The following ATRNL1 variants were observed in gnomAD, a reference collection of about 807,000 sequenced individuals.
ATRNL1 encodes attractin-like protein 1.
In ATRNL1, 95 loss-of-function variants were observed where a neutral mutation model predicts 182.7. The observed-to-expected ratio is 0.52, with a 90% CI of 0.44 to 0.62. ATRNL1 has a LOEUF of 0.62. ATRNL1 is among the 20% of genes least tolerant of loss of function. The pLI is 0.00. For missense variants in ATRNL1, 1,471 were observed against 1,679.5 expected (o/e 0.88, Z 2.17); for synonymous variants, 576 against 568.3 (o/e 1.01, Z -0.19).
chr10:115,826,669 G>A (rs1950441407), intron 27 of ATRNL1, among the ~76,000 whole-genome samples: 1 of 152,148 alleles, frequency 6.6e-6, no homozygotes, highest in Admixed American at 6.5e-5. Context: ...ATTTTATTGA[G>A]CAAAAGAAAA....
chr10:115,327,571 C>T (rs1433768993), intron 18 of ATRNL1, among the ~76,000 whole-genome samples: 5 of 146,912 alleles, frequency 3.4e-5, no homozygotes, highest in African/African-American at 2.5e-5. Flanking sequence ...TTTGACCCAG[C>T]CATCCCATTA....
chr10:115,357,370 AC>A (rs1483460315), intron 19 of ATRNL1, among the ~76,000 whole-genome samples: 1 of 151,702 alleles, frequency 6.6e-6, no homozygotes, highest in African/African-American at 2.4e-5. Flanking sequence ...AAAAGGCAAA[AC>A]CAAACTAAAT....
At chr10:115,280,710 T>C (rs1349377518) in intron 13 of ATRNL1, among the ~76,000 whole-genome samples, 1 of 152,188 alleles carries the variant, frequency 6.6e-6, no homozygotes, top group African/African-American at 2.4e-5. Flanking sequence ...AGACCCAGTC[T>C]CCGGGGTGTA....
intron 17 of ATRNL1, among the ~76,000 whole-genome samples, chr10:115,306,244 A>C (rs113143068): frequency 1.6e-4 from 24 of 152,216 alleles, no homozygotes; most frequent in African/African-American, 5.5e-4. Flanking sequence ...TAAACTTTTG[A>C]GTCTTTGCAT....
intron 8 of ATRNL1, 90 bp downstream of exon 8, chr10:115,171,382 A>G (rs1465330932): frequency 2.6e-6 from 3 of 1,175,216 alleles, no homozygotes; most frequent in Non-Finnish European, 3.5e-6. Flanking sequence ...CAAAATGGTG[A>G]GTTATTTGAG....
At chr10:115,578,644 G>T (rs1854876096) in intron 26 of ATRNL1, among the ~76,000 whole-genome samples, 1 of 150,782 alleles carries the variant, frequency 6.6e-6, no homozygotes, top group South Asian at 2.1e-4. Flanking sequence ...TCTTCTTCTA[G>T]CTAAGGGTTT....
chr10:115,393,395 C>G (rs1554954797), intron 19 of ATRNL1, among the ~76,000 whole-genome samples: 1 of 152,050 alleles, frequency 6.6e-6, no homozygotes, highest in Non-Finnish European at 1.5e-5. Context: ...GTTAGAGTTA[C>G]TATTGATACT....
intron 26 of ATRNL1, among the ~76,000 whole-genome samples, chr10:115,622,661 T>G (rs1857841143): frequency 7.5e-6 from 1 of 134,048 alleles, no homozygotes; most frequent in Non-Finnish European, 1.6e-5. Flanking sequence ...GCGCGGTGGC[T>G]CACGCCTTGT....
At chr10:115,247,337 A>G (rs1343332353) in intron 10 of ATRNL1, among the ~76,000 whole-genome samples, 4 of 152,178 alleles carry the variant, frequency 2.6e-5, no homozygotes, top group African/African-American at 9.6e-5. Context: ...CAAACAATCC[A>G]TTTTGCAAAT....
At chr10:115,255,709 T>C (rs1305590409) in intron 10 of ATRNL1, among the ~76,000 whole-genome samples, 1 of 152,202 alleles carries the variant, frequency 6.6e-6, no homozygotes, top group East Asian at 1.9e-4. Flanking sequence ...CATCCCTGTC[T>C]TGTGCCAGTT....
chr10:115,722,347 A>G (rs1471102626), intron 26 of ATRNL1, among the ~76,000 whole-genome samples: 1 of 152,170 alleles, frequency 6.6e-6, no homozygotes, highest in Admixed American at 6.5e-5. Context: ...AGGAAAATTA[A>G]CCTCACACTG....
intron 19 of ATRNL1, among the ~76,000 whole-genome samples, chr10:115,344,910 TG>T (rs1233553272): frequency 6.6e-6 from 1 of 152,180 alleles, no homozygotes; most frequent in Non-Finnish European, 1.5e-5. Flanking sequence ...TGGCCCAGTA[TG>T]TGTCTAGAAA....
chr10:115,850,056 G>A (rs1347580645), intron 28 of ATRNL1, among the ~76,000 whole-genome samples: 2 of 152,140 alleles, frequency 1.3e-5, no homozygotes, highest in Non-Finnish European at 1.5e-5. Flanking sequence ...AAACAATCTA[G>A]TAGATTTTTC....
At chr10:115,688,755 G>A (rs1227184222) in intron 26 of ATRNL1, among the ~76,000 whole-genome samples, 1 of 151,826 alleles carries the variant, frequency 6.6e-6, no homozygotes, top group Non-Finnish European at 1.5e-5. Flanking sequence ...CCCCATTCAG[G>A]GGGTGGTCTA....
At chr10:115,097,558 C>A (rs566090561) in intron 1 of ATRNL1, among the ~76,000 whole-genome samples, 1 of 152,136 alleles carries the variant, frequency 6.6e-6, no homozygotes, top group East Asian at 1.9e-4. Flanking sequence ...GATATAATGT[C>A]AGGAATTAGG....
At position 115,230,911 on chromosome 10, in the gene ATRNL1, G is replaced by GAGAGAGAGAGAA. The variant is rs1481266964; in HGVS notation, c.1533-10652_1533-10641dup. On this transcript the variant is annotated intron_variant, in intron 9 of 28. Coordinates refer to ENST00000355044, the MANE Select transcript of ATRNL1 (RefSeq NM_207303.4). ...AGAGAGAGAGAGAGAGAGAGAGAGA[G>GAGAGAGAGAGAA]AGAGAGAGAGAAAGAGAGAAATAGT... 8.5e-4 allele frequency among the ~76,000 whole-genome samples: 95 copies of GAGAGAGAGAGAA among 112,074 alleles called. 2 individuals are homozygous for GAGAGAGAGAGAA. The highest frequency in any genetic ancestry group is 1.2e-3 in the Admixed American group (14 of 12,088). The allele number at this position is 112,074 out of a possible 152,430, so 73.5% of individuals were successfully genotyped here. A position where few individuals can be genotyped will look rare whatever the true frequency, so the allele number is the denominator to read the frequency against.
chr10:115,546,996 A>G (rs1326601662), intron 25 of ATRNL1, among the ~76,000 whole-genome samples: 3 of 152,086 alleles, frequency 2.0e-5, no homozygotes, highest in Non-Finnish European at 4.4e-5. Flanking sequence ...GCTCATGCCT[A>G]TAATTTCAGC....
chr10:115,509,618 A>G (rs1473308039), intron 24 of ATRNL1, among the ~76,000 whole-genome samples: 4 of 151,978 alleles, frequency 2.6e-5, no homozygotes, highest in Non-Finnish European at 5.9e-5. Flanking sequence ...GAAGCCTTGC[A>G]GATGCCAGCA....
At chr10:115,448,725 G>T (rs1847134471) in intron 21 of ATRNL1, among the ~76,000 whole-genome samples, 1 of 151,730 alleles carries the variant, frequency 6.6e-6, no homozygotes, top group African/African-American at 2.4e-5. Context: ...ACATTTAAAA[G>T]ATAAACAAAT....
Sources: allele counts gnomAD v4.1 joint callset (sites outside exome capture counted in the v4.1 genomes callset), GRCh38; gene constraint gnomAD v4.1.1; transcripts MANE v1.5; gene names NCBI Gene and HGNC (gene_info 2026-07-23, HGNC 2026-07-21).